C17orf107: variants seen among roughly 807,000 people sequenced by gnomAD.
The protein encoded by C17orf107 is uncharacterized protein C17orf107.
In C17orf107, 9 loss-of-function variants were observed where a neutral mutation model predicts 8.9. That is an observed-to-expected ratio of 1.02 (90% confidence interval 0.61 to 1.77). The LOEUF (loss-of-function observed/expected upper bound fraction) is 1.77, where lower values mean the gene tolerates loss of function less well. Among genes scored for constraint, C17orf107 ranks in the 40% most tolerant of loss-of-function variants. The probability of loss-of-function intolerance (pLI) is 0.00; values close to 1 mark genes in which losing one functional copy is unlikely to be tolerated. For synonymous variants in C17orf107, 139 were observed against 120.3 expected, an observed-to-expected ratio of 1.16 and a Z score of -1.02; for missense variants, 281 against 249.0, an observed-to-expected ratio of 1.13 and a Z score of -0.86.
Position 4,902,273 on chromosome 17 carries a change from T to C in C17orf107, c.*1740T>C. 6.2e-7 allele frequency: 1 copy of C among 1,614,146 alleles called. No homozygotes were observed. The highest frequency in any genetic ancestry group is 8.5e-7 in the Non-Finnish European group (1 of 1,180,016). ...CGAGTTCTGAAGGGACTCGCAGGGT[T>C]TCTATACCCCCAAAGTCGTCCTTGC... On this transcript the variant is annotated 3_prime_UTR_variant, in exon 3 of 3. Coordinates refer to ENST00000381365, the MANE Select transcript of C17orf107 (RefSeq NM_001145536.2). This position sits in a 1 kb window ranked among gnomAD's most constrained non-coding sequence, Gnocchi z 4.0.
Position 4,901,918 on chromosome 17 carries a change from G to A in C17orf107, c.*1385G>A, listed in dbSNP as rs1451355802. ...CAACAATAATCGTCCGGGCCTCGGAGTAGCTCTTCCCACCGGAAAATAAGC... is the reference window on the plus strand; with the variant it reads ...CAACAATAATCGTCCGGGCCTCGGAATAGCTCTTCCCACCGGAAAATAAGC... On this transcript the variant is annotated 3_prime_UTR_variant, in exon 3 of 3. Coordinates refer to ENST00000381365, the MANE Select transcript of C17orf107 (RefSeq NM_001145536.2). 3 of 1,612,808 alleles carry A rather than the reference G, an allele frequency of 1.9e-6. No homozygotes were observed. Among genetic ancestry groups the A allele is most frequent in the Non-Finnish European group, 2.5e-6 (3 of 1,179,588 alleles).
chr17:4,902,621 C>T lies in C17orf107; in HGVS notation c.*2088C>T, dbSNP rs768469610. ...TAAGATGAGGGTGGGGGTAGCTTAC[C>T]AGTGAGATGAGATTCGTCAGGGTGA... is the stretch of plus-strand genomic sequence containing the variant. On this transcript the variant is annotated 3_prime_UTR_variant, in exon 3 of 3. Transcript: ENST00000381365. The surrounding 1 kb of genome is among the most constrained non-coding windows in gnomAD (Gnocchi z 4.0). 9.9e-6 allele frequency: 16 copies of T among 1,613,980 alleles called. No individual in the cohort carries two copies. The Admixed American group carries it at 2.7e-4, about 27-fold the overall frequency.
Position 4,900,605 on chromosome 17 carries a change from C to A in C17orf107, c.*72C>A. 1 of 1,530,658 alleles carries A rather than the reference C, an allele frequency of 6.5e-7. No individual in the cohort carries two copies. Among genetic ancestry groups the A allele is most frequent in the South Asian group, 1.2e-5 (1 of 83,532 alleles). The allele number at this position is 1,530,658 out of a possible 1,614,324, so 94.8% of individuals were successfully genotyped here. A position where few individuals can be genotyped will look rare whatever the true frequency, so the allele number is the denominator to read the frequency against. ...CCAAGAGAGCTACTCGGGAGACCTC[C>A]AGGTGACGTCCAGCAGCAGTGAGGA... On this transcript the variant is annotated 3_prime_UTR_variant, in exon 3 of 3. Transcript: ENST00000381365.
Position 4,900,892 on chromosome 17 carries a change from C to T in C17orf107, c.*359C>T. On this transcript the variant is annotated 3_prime_UTR_variant, in exon 3 of 3. Transcript: ENST00000381365. Reference sequence around the variant, plus strand: ...GAGCAGGACGTTGATGGAGACCGTGCATTTCTGGCCGCCGGCTGGAGGGAG... The same window carrying T: ...GAGCAGGACGTTGATGGAGACCGTGTATTTCTGGCCGCCGGCTGGAGGGAG... 7 of 1,614,182 alleles carry T rather than the reference C, an allele frequency of 4.3e-6. No homozygotes were observed. Among genetic ancestry groups the T allele is most frequent in the Non-Finnish European group, 5.9e-6 (7 of 1,180,004 alleles).
At chr17:4,903,537 T>G (rs1970046492), downstream of C17orf107, among the ~76,000 whole-genome samples, 1 of 152,130 alleles carries the variant, frequency 6.6e-6, no homozygotes, top group African/African-American at 2.4e-5. Context: ...ATGCCTTTCT[T>G]GCCGACAGAG....
Position 4,901,891 on chromosome 17 carries a change from C to CCCCCCG in C17orf107, c.*1360_*1361insCCCGCC, listed in dbSNP as rs367599263. 4.4e-5 allele frequency: 71 copies of CCCCCCG among 1,606,310 alleles called. No homozygotes were observed. In the African/African-American group the frequency reaches 7.4e-4, roughly 17 times the overall value. On this transcript the variant is annotated 3_prime_UTR_variant, in exon 3 of 3. Coordinates refer to ENST00000381365, the MANE Select transcript of C17orf107 (RefSeq NM_001145536.2). ...TTGGCCCCGCCCCATAAGGCCCCCC[C>CCCCCCG]CCAACAATAATCGTCCGGGCCTCGG...
downstream of C17orf107, chr17:4,903,120 C>G (rs1180451106): frequency 1.3e-6 from 2 of 1,589,532 alleles, no homozygotes; most frequent in African/African-American, 2.7e-5. Context: ...AGGGGGCATG[C>G]CAGGGTGCCT....
rs754001856 is a variant in C17orf107, at chr17:4,902,692, G to A, written c.*2159G>A. The A allele has an allele frequency of 2.9e-5, 46 of 1,613,994 alleles. No individual in the cohort carries two copies. Among genetic ancestry groups the A allele is most frequent in the Middle Eastern group, 1.6e-4 (1 of 6,082 alleles). On this transcript the variant is annotated 3_prime_UTR_variant, in exon 3 of 3. Coordinates refer to ENST00000381365, the MANE Select transcript of C17orf107 (RefSeq NM_001145536.2). The surrounding 1 kb of genome is among the most constrained non-coding windows in gnomAD (Gnocchi z 4.0). ...GTATCCTCAGGCTCCCGCACTGGCC[G>A]GCTTCCTGGGTCATAGTTGTTGAAG...
rs764599384 is a variant in C17orf107 at position 4,901,195 on chromosome 17, G to C, written c.*662G>C. The stretch of plus-strand genomic sequence containing the variant: ...CGATGGCCCACTCGCCGTTCTCTGC[G>C]GGACGGGGGCACGGTCAGCTGGCTG... On this transcript the variant is annotated 3_prime_UTR_variant, in exon 3 of 3. Coordinates refer to ENST00000381365, the MANE Select transcript of C17orf107 (RefSeq NM_001145536.2). 2 of 1,601,056 alleles carry C rather than the reference G, an allele frequency of 1.2e-6. No homozygotes were observed. The highest frequency in any genetic ancestry group is 3.3e-5 in the Admixed American group (2 of 59,900).
rs1251986390 is a variant in C17orf107 at position 4,900,446 on chromosome 17, GTC to G, written c.488_489del (p.Ser163CysfsTer79). 1 of 1,551,112 alleles carries G rather than the reference GTC, an allele frequency of 6.4e-7. No homozygotes were observed. The highest frequency in any genetic ancestry group is 1.2e-5 in the South Asian group (1 of 84,068). The stretch of plus-strand genomic sequence containing the variant: ...GCCTGTGTGGACGGGGTCTGCAGGG[GTC>G]TGCCTCATTCCTGCGACAGTCGCAA... ...LCLCGRGLQG[S>X]ASFLRQSQQQ... On this transcript the variant is annotated frameshift_variant, in exon 3 of 3. Coordinates refer to ENST00000381365, the MANE Select transcript of C17orf107 (RefSeq NM_001145536.2). LOFTEE classifies it low-confidence loss of function (END_TRUNC).
rs529462077 is a variant in C17orf107 at position 4,901,898 on chromosome 17, A to T, written c.*1365A>T. The T allele has an allele frequency of 6.8e-7, 1 of 1,469,572 alleles. No homozygotes were observed. The highest frequency in any genetic ancestry group is 9.4e-7 in the Non-Finnish European group (1 of 1,065,176). 91.0% of individuals were successfully genotyped at this position (1,469,572 alleles called of 1,614,324 possible). On this transcript the variant is annotated 3_prime_UTR_variant, in exon 3 of 3. Coordinates refer to ENST00000381365, the MANE Select transcript of C17orf107 (RefSeq NM_001145536.2). Reference sequence around the variant, plus strand: ...CGCCCCATAAGGCCCCCCCCCAACAATAATCGTCCGGGCCTCGGAGTAGCT... The same window carrying T: ...CGCCCCATAAGGCCCCCCCCCAACATTAATCGTCCGGGCCTCGGAGTAGCT...
Position 4,900,699 on chromosome 17 carries a change from G to A in C17orf107, c.*166G>A. 2.0e-6 allele frequency: 3 copies of A among 1,471,900 alleles called. No homozygotes were observed. Among genetic ancestry groups the A allele is most frequent in the Non-Finnish European group, 2.8e-6 (3 of 1,079,606 alleles). 91.2% of individuals were successfully genotyped at this position (1,471,900 alleles called of 1,614,324 possible). On this transcript the variant is annotated 3_prime_UTR_variant, in exon 3 of 3. Transcript: ENST00000381365. ...GCGTCCGAATAAAGCCCAGGGCGGG[G>A]CGAGACAGCCAGAGCTTTTCCCGGG...
In C17orf107 at chr17:4,902,707, A is replaced by G. The variant is rs144169073; in HGVS notation, c.*2174A>G. ...CGCACTGGCCGGCTTCCTGGGTCAT[A>G]GTTGTTGAAGAGATGGTGATAAAGA... On this transcript the variant is annotated 3_prime_UTR_variant, in exon 3 of 3. Transcript: ENST00000381365. This position sits in a 1 kb window ranked among gnomAD's most constrained non-coding sequence, Gnocchi z 4.0. 1,839 of 1,613,994 alleles carry G rather than the reference A, an allele frequency of 1.1e-3. 1 individual carries two copies. Among genetic ancestry groups the G allele is most frequent in the Non-Finnish European group, 1.4e-3 (1,706 of 1,180,006 alleles).
At position 4,901,878 on chromosome 17, in the gene C17orf107, C is replaced by T. The variant is rs1479540233; in HGVS notation, c.*1345C>T. The T allele has an allele frequency of 1.6e-5, 23 of 1,475,888 alleles. No individual in the cohort carries two copies. Among genetic ancestry groups the T allele is most frequent in the Non-Finnish European group, 1.6e-5 (17 of 1,061,818 alleles). 91.4% of individuals were successfully genotyped at this position (1,475,888 alleles called of 1,614,324 possible). On this transcript the variant is annotated 3_prime_UTR_variant, in exon 3 of 3. Transcript: ENST00000381365. ...CGGTGCTTCCCGGTTGGCCCCGCCC[C>T]ATAAGGCCCCCCCCCAACAATAATC...
In C17orf107 at chr17:4,900,978, G is replaced by T; in HGVS notation, c.*445G>T. 6.2e-7 allele frequency: 1 copy of T among 1,613,950 alleles called. No individual in the cohort carries two copies. The highest frequency in any genetic ancestry group is 8.5e-7 in the Non-Finnish European group (1 of 1,179,866). On this transcript the variant is annotated 3_prime_UTR_variant, in exon 3 of 3. Coordinates refer to ENST00000381365, the MANE Select transcript of C17orf107 (RefSeq NM_001145536.2). ...GCCCGGGTTTGGGGGTAGGTTCGGG[G>T]CCACTGCTTACCCTGCGCCGGCAGG...
At chr17:4,904,176 T>C (rs774114321), downstream of C17orf107, among the ~76,000 whole-genome samples, 3 of 151,994 alleles carry the variant, frequency 2.0e-5, no homozygotes, top group Non-Finnish European at 4.4e-5. Flanking sequence ...TTTGTTTTTC[T>C]GTTTCTTTTT....
downstream of C17orf107, chr17:4,903,038 AG>A (rs766471461): frequency 6.2e-7 from 1 of 1,613,934 alleles, no homozygotes; most frequent in Non-Finnish European, 8.5e-7. Flanking sequence ...CAAGAGGAGC[AG>A]GACCCCAAGC....
In C17orf107 at chr17:4,902,069, T is replaced by C. The variant is rs779901038; in HGVS notation, c.*1536T>C. ...CGAGCACGTTGGCGTCGTAGGCCAC[T>C]CCGAACTGGCCATCAATACTGTGGG... On this transcript the variant is annotated 3_prime_UTR_variant, in exon 3 of 3. Transcript: ENST00000381365. This position sits in a 1 kb window ranked among gnomAD's most constrained non-coding sequence, Gnocchi z 4.0. 1 of 1,613,986 alleles carries C rather than the reference T, an allele frequency of 6.2e-7. No individual in the cohort carries two copies. Among genetic ancestry groups the C allele is most frequent in the Admixed American group, 1.7e-5 (1 of 60,022 alleles).
Position 4,901,682 on chromosome 17 carries a change from A to G in C17orf107, c.*1149A>G. On this transcript the variant is annotated 3_prime_UTR_variant, in exon 3 of 3. Transcript: ENST00000381365. ...AAGCTCTGACCTGGGCCCCGGCCTC[A>G]GGCCCAGCCCTGGAAGCTGGGATCT... The G allele has an allele frequency of 6.5e-7, 1 of 1,531,722 alleles. No individual in the cohort carries two copies. Among genetic ancestry groups the G allele is most frequent in the Non-Finnish European group, 9.0e-7 (1 of 1,108,974 alleles). 94.9% of individuals were successfully genotyped at this position (1,531,722 alleles called of 1,614,324 possible). A position where few individuals can be genotyped will look rare whatever the true frequency, so the allele number is the denominator to read the frequency against.
Sources: allele counts gnomAD v4.1 joint callset (sites outside exome capture counted in the v4.1 genomes callset), GRCh38; gene constraint gnomAD v4.1.1; non-coding constraint Gnocchi (gnomAD v3.1); transcripts MANE v1.5; gene names NCBI Gene and HGNC (gene_info 2026-07-23, HGNC 2026-07-21).